Variants in CAMTA1 observed in about 807,000 individuals in gnomAD.
CAMTA1 encodes the protein calmodulin binding transcription activator 1, also known as calmodulin-binding transcription activator 1.
In CAMTA1, 27 loss-of-function variants were observed where a neutral mutation model predicts 170.9. That is an observed-to-expected ratio of 0.16 (90% CI 0.12 to 0.22). The LOEUF (loss-of-function observed/expected upper bound fraction) is 0.22, where lower values mean the gene tolerates loss of function less well. Among genes scored for constraint, CAMTA1 ranks in the 10% least tolerant of loss-of-function variants. CAMTA1 has a pLI of 1.00. For synonymous variants in CAMTA1, 833 were observed against 891.5 expected, an observed-to-expected ratio of 0.93 and a Z score of 1.17; for missense variants, 1,619 against 2,217.2, an observed-to-expected ratio of 0.73 and a Z score of 5.42.
At chr1:6,835,861 A>G (rs983493268) in intron 3 of CAMTA1, among the ~76,000 whole-genome samples, 3 of 152,170 alleles carry the variant, frequency 2.0e-5, no homozygotes, top group African/African-American at 7.2e-5. Flanking sequence ...TCATGTCTTG[A>G]CATATAGGAA....
rs747983819 is a variant in CAMTA1, at chr1:7,580,800, A to T, written c.511-59600A>T. Among the ~76,000 whole-genome samples, 2 of 151,950 alleles carry T rather than the reference A, an allele frequency of 1.3e-5. No homozygotes were observed. The highest frequency in any genetic ancestry group is 3.2e-3 in the Middle Eastern group (1 of 316). ...TTTGGTTATCTCCTCCCCAACCAAGATCTCCTCCAACCCGTGCCCATCACA... is the reference window on the plus strand; with the variant it reads ...TTTGGTTATCTCCTCCCCAACCAAGTTCTCCTCCAACCCGTGCCCATCACA... On this transcript the variant is annotated intron_variant, in intron 6 of 22. Transcript: ENST00000303635. The surrounding 1 kb of genome is among the most constrained non-coding windows in gnomAD (Gnocchi z 4.3).
In CAMTA1 at chr1:7,216,147, A is replaced by G. The variant is rs1280106294; in HGVS notation, c.303-33344A>G. On this transcript the variant is annotated intron_variant, in intron 4 of 22. Coordinates refer to ENST00000303635, the MANE Select transcript of CAMTA1 (RefSeq NM_015215.4). This position sits in a 1 kb window ranked among gnomAD's most constrained non-coding sequence, Gnocchi z 4.0. ...GCGTGTCCTGCGTGGCTGGAGCAGG[A>G]GGAAGAGGGTGAAGGGGGAGGTCCT... 6.6e-6 allele frequency among the ~76,000 whole-genome samples: 1 copy of G among 152,206 alleles called. No individual in the cohort carries two copies. Among genetic ancestry groups the G allele is most frequent in the Non-Finnish European group, 1.5e-5 (1 of 68,044 alleles).
intron 5 of CAMTA1, among the ~76,000 whole-genome samples, chr1:7,323,499 T>C (rs894285975): frequency 1.4e-5 from 2 of 138,616 alleles, no homozygotes; most frequent in Admixed American, 8.0e-5. Flanking sequence ...TCTATTTCCT[T>C]TATTCTTCTT....
intron 5 of CAMTA1, among the ~76,000 whole-genome samples, chr1:7,365,544 GACTT>G (rs1267908058): frequency 1.3e-5 from 2 of 152,144 alleles, no homozygotes; most frequent in Admixed American, 1.3e-4. Context: ...CCTGGGTGTG[GACTT>G]CCCTGGGCCT....
chr1:6,967,510 A>C (rs1182806478), intron 3 of CAMTA1, among the ~76,000 whole-genome samples: 2 of 152,036 alleles, frequency 1.3e-5, no homozygotes, highest in Admixed American at 6.5e-5. Context: ...CCATTCAGAG[A>C]GCATTCTCTA....
At chr1:7,564,261 G>A (rs1415303947) in intron 6 of CAMTA1, among the ~76,000 whole-genome samples, 1 of 152,224 alleles carries the variant, frequency 6.6e-6, no homozygotes, top group African/African-American at 2.4e-5. Context: ...TAAGGCAAGA[G>A]TCTCTCCCTG....
At chr1:7,593,325 A>G (rs1029563928) in intron 6 of CAMTA1, among the ~76,000 whole-genome samples, 3 of 152,060 alleles carry the variant, frequency 2.0e-5, no homozygotes, top group African/African-American at 7.2e-5. Context: ...CTCTGCTCTC[A>G]TAGAGTTGGT....
At chr1:7,715,919 TC>T (rs1249844283) in intron 11 of CAMTA1, among the ~76,000 whole-genome samples, 4 of 152,244 alleles carry the variant, frequency 2.6e-5, no homozygotes, top group African/African-American at 7.2e-5. Flanking sequence ...ACCCTGTACT[TC>T]CCTTGGGGAA....
At chr1:6,996,682 T>TA (rs1173274969) in intron 3 of CAMTA1, among the ~76,000 whole-genome samples, 14 of 147,154 alleles carry the variant, frequency 9.5e-5, no homozygotes, top group African/African-American at 2.0e-4. Context: ...AAAAGCTATT[T>TA]AAAAAAAAAA....
chr1:7,023,105 C>T (rs758824726), intron 3 of CAMTA1, among the ~76,000 whole-genome samples: 9 of 152,228 alleles, frequency 5.9e-5, no homozygotes, highest in Middle Eastern at 3.4e-3. Flanking sequence ...GGCTCAGGAA[C>T]ACGGTATACC....
chr1:7,546,866 A>G (rs1389247330), intron 6 of CAMTA1, among the ~76,000 whole-genome samples: 2 of 152,142 alleles, frequency 1.3e-5, no homozygotes, highest in Non-Finnish European at 2.9e-5. Flanking sequence ...GTTCACCTTG[A>G]CCACTTAATT....
At chr1:7,753,959 A>G (rs1453539373) in intron 21 of CAMTA1, among the ~76,000 whole-genome samples, 4 of 152,216 alleles carry the variant, frequency 2.6e-5, no homozygotes, top group Admixed American at 6.5e-5. Flanking sequence ...AAGCCTTACC[A>G]AAGGCAGCCT....
chr1:7,479,114 G>A (rs75651384), intron 6 of CAMTA1, among the ~76,000 whole-genome samples: 7,489 of 152,236 alleles, frequency 0.049, 269 homozygotes, highest in East Asian at 0.16. Context: ...GTCTGTGTGG[G>A]CGTGTCAGAG....
chr1:6,791,686 C>T (rs1264012652), intron 1 of CAMTA1, among the ~76,000 whole-genome samples: 1 of 152,194 alleles, frequency 6.6e-6, no homozygotes. Context: ...CATTCTTGCT[C>T]TGCTACTTTG....
chr1:7,188,230 A>G (rs1653832179), intron 4 of CAMTA1, among the ~76,000 whole-genome samples: 1 of 152,178 alleles, frequency 6.6e-6, no homozygotes, highest in African/African-American at 2.4e-5. Context: ...ATTCAAGATG[A>G]GATTTGGGTG....
At chr1:7,307,380 T>C (rs1184762385) in intron 5 of CAMTA1, among the ~76,000 whole-genome samples, 1 of 151,956 alleles carries the variant, frequency 6.6e-6, no homozygotes, top group East Asian at 1.9e-4. Context: ...TGGGCAATCA[T>C]GCTATCTGAA....
chr1:6,922,661 C>A (rs1042624211), intron 3 of CAMTA1, among the ~76,000 whole-genome samples: 6 of 152,184 alleles, frequency 3.9e-5, no homozygotes, highest in Non-Finnish European at 5.9e-5. Flanking sequence ...TTGAAAGTCA[C>A]ACGGCATCCC....
chr1:7,655,102 CTAT>C (rs879914863), intron 7 of CAMTA1, among the ~76,000 whole-genome samples: 21,457 of 38,782 alleles, frequency 0.55, 4,802 homozygotes, highest in South Asian at 0.69. Flanking sequence ...ACACACACAC[CTAT>C]ACACACACCT....
chr1:7,653,393 G>A (rs1316934654), intron 7 of CAMTA1, among the ~76,000 whole-genome samples: 1 of 152,034 alleles, frequency 6.6e-6, no homozygotes, highest in Non-Finnish European at 1.5e-5. Context: ...CTCCCATGTA[G>A]CTGGGATTAC....
Sources: gnomAD v4.1 joint callset for allele counts (sites outside exome capture counted in the v4.1 genomes callset) on GRCh38, gnomAD v4.1.1 for gene constraint, Gnocchi (gnomAD v3.1) non-coding constraint, MANE v1.5 for transcripts, NCBI Gene and HGNC (gene_info 2026-07-23, HGNC 2026-07-21) for gene names.